The following ST8SIA2 variants were observed in gnomAD, a reference collection of about 807,000 sequenced individuals.
ST8SIA2 encodes the protein ST8 alpha-N-acetyl-neuraminide alpha-2,8-sialyltransferase 2, also known as alpha-2,8-sialyltransferase 8B.
ST8SIA2 carries 22 observed loss-of-function variants against 37.6 expected under a neutral mutation model. The observed-to-expected ratio is 0.58, with a 90% CI of 0.42 to 0.83. The LOEUF (loss-of-function observed/expected upper bound fraction) is 0.83, where lower values mean the gene tolerates loss of function less well. Among genes scored for constraint, ST8SIA2 ranks in the 40% least tolerant of loss-of-function variants. ST8SIA2 has a pLI of 0.00. For missense variants in ST8SIA2, 382 were observed against 484.7 expected (o/e 0.79, Z 1.99); for synonymous variants, 205 against 201.2 (o/e 1.02, Z -0.16).
intron 1 of ST8SIA2, among the ~76,000 whole-genome samples, chr15:92,396,288 C>T (rs1825675548): frequency 6.6e-6 from 1 of 152,318 alleles, no homozygotes. Context: ...TGCCTTTCGA[C>T]TGGGATGGGC....
rs2050009081 is a variant in ST8SIA2, at chr15:92,468,545, T to C, written c.*4160T>C. 6.5e-6 allele frequency: 1 copy of C among 152,724 alleles called. No homozygotes were observed. Among genetic ancestry groups the C allele is most frequent in the Non-Finnish European group, 1.5e-5 (1 of 68,062 alleles). 9.5% of individuals were successfully genotyped at this position (152,724 alleles called of 1,614,324 possible). ...TAGCACTTTATTTGTACCTTTCTCA[T>C]GGCACTTACCATATTCTGCCTTGTA... is the stretch of plus-strand genomic sequence containing the variant. On this transcript the variant is annotated 3_prime_UTR_variant, in exon 6 of 6. Coordinates refer to ENST00000268164, the MANE Select transcript of ST8SIA2 (RefSeq NM_006011.4).
chr15:92,427,598 C>T (rs2049686258), intron 1 of ST8SIA2, among the ~76,000 whole-genome samples: 1 of 152,120 alleles, frequency 6.6e-6, no homozygotes, highest in Non-Finnish European at 1.5e-5. Flanking sequence ...CCCTCCCATA[C>T]ACTCCTCAGC....
At chr15:92,448,995 T>C (rs2049862796) in intron 5 of ST8SIA2, among the ~76,000 whole-genome samples, 1 of 152,174 alleles carries the variant, frequency 6.6e-6, no homozygotes, top group South Asian at 2.1e-4. Context: ...ATAAAATTTA[T>C]GATTTTAATG....
chr15:92,399,627 C>G (rs991228961), intron 1 of ST8SIA2, among the ~76,000 whole-genome samples: 79 of 152,306 alleles, frequency 5.2e-4, no homozygotes, highest in Non-Finnish European at 8.7e-4. Flanking sequence ...ATTCTTCTCC[C>G]TAGTACTGGT....
chr15:92,451,957 A>T (rs1437126158), intron 5 of ST8SIA2, among the ~76,000 whole-genome samples: 1 of 152,186 alleles, frequency 6.6e-6, no homozygotes, highest in East Asian at 1.9e-4. Flanking sequence ...GATGGGTTTG[A>T]GTTTATGAAA....
At chr15:92,394,656 A>ATG (rs1337656101) in intron 1 of ST8SIA2, among the ~76,000 whole-genome samples, 6 of 152,032 alleles carry the variant, frequency 3.9e-5, no homozygotes, top group Non-Finnish European at 7.4e-5. Flanking sequence ...GGGGTTCTGC[A>ATG]TGGGCTACTG....
intron 1 of ST8SIA2, among the ~76,000 whole-genome samples, chr15:92,401,348 C>G (rs550628702): frequency 6.6e-6 from 1 of 152,344 alleles, no homozygotes; most frequent in East Asian, 1.9e-4. Flanking sequence ...ATTAGTCACT[C>G]TCTTGGGTGG....
intron 4 of ST8SIA2, among the ~76,000 whole-genome samples, chr15:92,443,465 G>GCCCTCCAGTACCCAAATCCATC: frequency 6.6e-6 from 1 of 152,266 alleles, no homozygotes; most frequent in Admixed American, 6.5e-5. Context: ...CTCTTAGTTT[G>GCCCTCCAGTACCCAAATCCATC]CCCTCCAGTA....
At chr15:92,416,181 C>A (rs1310003244) in intron 1 of ST8SIA2, among the ~76,000 whole-genome samples, 1 of 144,538 alleles carries the variant, frequency 6.9e-6, no homozygotes, top group Non-Finnish European at 1.5e-5. Context: ...CACTGGCACT[C>A]ACCCTCAGGT....
intron 1 of ST8SIA2, among the ~76,000 whole-genome samples, chr15:92,405,381 G>T (rs1355017943): frequency 6.6e-6 from 1 of 152,234 alleles, no homozygotes; most frequent in Non-Finnish European, 1.5e-5. Flanking sequence ...AAGATGAAAA[G>T]AGTTCAGCAG....
chr15:92,461,164 T>C (rs1476210738), intron 5 of ST8SIA2, among the ~76,000 whole-genome samples: 1 of 151,988 alleles, frequency 6.6e-6, no homozygotes, highest in Non-Finnish European at 1.5e-5. Flanking sequence ...TTCCAAGGCA[T>C]CTTGGGAGTT....
chr15:92,424,333 AT>A (rs1321078014), intron 1 of ST8SIA2, among the ~76,000 whole-genome samples: 5 of 152,174 alleles, frequency 3.3e-5, no homozygotes, highest in African/African-American at 1.2e-4. Flanking sequence ...ATATATCAAA[AT>A]ATCATGATGT....
intron 1 of ST8SIA2, among the ~76,000 whole-genome samples, chr15:92,419,145 C>A (rs981319467): frequency 2.6e-5 from 4 of 152,132 alleles, no homozygotes; most frequent in Non-Finnish European, 5.9e-5. Context: ...TGGCCACCCT[C>A]ATCCAACACC....
chr15:92,435,116 G>A (rs939025238), intron 3 of ST8SIA2, among the ~76,000 whole-genome samples: 6 of 152,192 alleles, frequency 3.9e-5, no homozygotes, highest in Non-Finnish European at 7.3e-5. Context: ...TCCAGGCATC[G>A]TGCTGGGGCC....
Position 92,440,369 on chromosome 15 carries a change from C to T in ST8SIA2, c.548+1759C>T, listed in dbSNP as rs142391020. ...AGAGTTTTGGGGTCTAGGGTACAGC[C>T]GGCAACTCAGCATTTCTAACAAGCA... On this transcript the variant is annotated intron_variant, in intron 4 of 5. Coordinates refer to ENST00000268164, the MANE Select transcript of ST8SIA2 (RefSeq NM_006011.4). Among the ~76,000 whole-genome samples, 446 of 152,212 alleles carry T rather than the reference C, an allele frequency of 2.9e-3. 4 individuals are homozygous for T. The highest frequency in any genetic ancestry group is 0.01 in the African/African-American group (422 of 41,524).
At chr15:92,399,514 G>A (rs1380206653) in intron 1 of ST8SIA2, among the ~76,000 whole-genome samples, 1 of 152,208 alleles carries the variant, frequency 6.6e-6, no homozygotes, top group Non-Finnish European at 1.5e-5. Context: ...GTGGACGAGT[G>A]CACGTGGATG....
At chr15:92,442,622 G>T (rs1256202009) in intron 4 of ST8SIA2, among the ~76,000 whole-genome samples, 2 of 152,104 alleles carry the variant, frequency 1.3e-5, no homozygotes, top group East Asian at 3.9e-4. Flanking sequence ...GGCTCAGCCG[G>T]GTTTCAAGGC....
chr15:92,416,325 G>A (rs544023335), intron 1 of ST8SIA2, among the ~76,000 whole-genome samples: 1 of 152,066 alleles, frequency 6.6e-6, no homozygotes, highest in South Asian at 2.1e-4. Context: ...AGAGGACACC[G>A]GGAGAGACAG....
chr15:92,403,722 C>T (rs902265582), intron 1 of ST8SIA2, among the ~76,000 whole-genome samples: 5 of 152,168 alleles, frequency 3.3e-5, no homozygotes, highest in Non-Finnish European at 7.3e-5. Flanking sequence ...GGGCAGGTGA[C>T]TTTAGTTTGC....
Sources: gnomAD v4.1 joint callset for allele counts (sites outside exome capture counted in the v4.1 genomes callset) on GRCh38, gnomAD v4.1.1 for gene constraint, MANE v1.5 for transcripts, NCBI Gene and HGNC (gene_info 2026-07-23, HGNC 2026-07-21) for gene names.